The following ABLIM2 variants were observed in gnomAD, a reference collection of about 807,000 sequenced individuals.
The protein encoded by ABLIM2 is actin-binding LIM protein 2.
Under a neutral mutation model 97.7 loss-of-function variants are expected in ABLIM2, and 53 were observed. That is an observed-to-expected ratio of 0.54 (90% CI 0.44 to 0.68). The LOEUF is 0.68. Among genes scored for constraint, ABLIM2 ranks in the 30% least tolerant of loss-of-function variants. ABLIM2 has a pLI of 0.00. For synonymous variants in ABLIM2, 361 were observed against 345.8 expected, an observed-to-expected ratio of 1.04 and a Z score of -0.49; for missense variants, 835 against 867.2, an observed-to-expected ratio of 0.96 and a Z score of 0.47.
intron 1 of ABLIM2, among the ~76,000 whole-genome samples, chr4:8,119,290 G>A (rs897078415): frequency 6.6e-6 from 1 of 151,270 alleles, no homozygotes; most frequent in Non-Finnish European, 1.5e-5. Flanking sequence ...TGGAGAGGGC[G>A]TGTAGTCTTG....
chr4:8,079,512 C>A (rs1207913325), intron 5 of ABLIM2, among the ~76,000 whole-genome samples: 1 of 152,208 alleles, frequency 6.6e-6, no homozygotes, highest in Non-Finnish European at 1.5e-5. Context: ...ACAGGTCCCT[C>A]ACCCTGGGTG....
intron 5 of ABLIM2, among the ~76,000 whole-genome samples, chr4:8,079,962 C>T (rs1366755406): frequency 6.6e-6 from 1 of 152,210 alleles, no homozygotes; most frequent in East Asian, 1.9e-4. Context: ...AGCTCGTCCA[C>T]ATATTCGCCC....
chr4:7,979,701 T>G (rs1324983520), intron 20 of ABLIM2, among the ~76,000 whole-genome samples: 1 of 152,172 alleles, frequency 6.6e-6, no homozygotes, highest in African/African-American at 2.4e-5. Flanking sequence ...TTCTTTCCTC[T>G]CTCCCGGTTA....
Position 8,036,549 on chromosome 4 carries a change from C to G in ABLIM2, c.901-254G>C, listed in dbSNP as rs147677052. 6.6e-3 allele frequency among the ~76,000 whole-genome samples: 1,002 copies of G among 152,288 alleles called. 11 individuals carry two copies. The highest frequency in any genetic ancestry group is 0.022 in the African/African-American group (900 of 41,544). ...GCAGAGTCTGAGCTCACCCCCAGCT[C>G]CTGGTATAGGTGAAATGGGGACGGG... On this transcript the variant is annotated intron_variant, in intron 9 of 20. Transcript: ENST00000447017.
At position 8,015,978 on chromosome 4, in the gene ABLIM2, A is replaced by T. The variant is rs1473657356; in HGVS notation, c.1423+3640T>A. Among the ~76,000 whole-genome samples the T allele has an allele frequency of 6.6e-6, 1 of 151,646 alleles. No individual in the cohort carries two copies. Among genetic ancestry groups the T allele is most frequent in the African/African-American group, 2.4e-5 (1 of 41,216 alleles). ...TCCTCATTTTATAAGTTCAAATCAGATATGAGACGATCGTAAGCTACTATT... is the reference window on the plus strand; with the variant it reads ...TCCTCATTTTATAAGTTCAAATCAGTTATGAGACGATCGTAAGCTACTATT... On this transcript the variant is annotated intron_variant, in intron 14 of 20. Coordinates refer to ENST00000447017, the MANE Select transcript of ABLIM2 (RefSeq NM_001130083.2). This position sits in a 1 kb window ranked among gnomAD's most constrained non-coding sequence, Gnocchi z 4.6.
At chr4:8,047,339 C>A (rs1002031560) in intron 8 of ABLIM2, among the ~76,000 whole-genome samples, 1 of 151,414 alleles carries the variant, frequency 6.6e-6, no homozygotes, top group South Asian at 2.1e-4. Flanking sequence ...AGCTTGGCAA[C>A]TGCCGCTGCC....
chr4:8,111,950 A>T lies in ABLIM2; in HGVS notation c.11-5313T>A, dbSNP rs1054629319. On this transcript the variant is annotated intron_variant, in intron 1 of 20. Coordinates refer to ENST00000447017, the MANE Select transcript of ABLIM2 (RefSeq NM_001130083.2). ...TCAAAAAAAAAAAAAAAAAAAATTT[A>T]AAAAGGAACTAACCACAATTGCGGC... Among the ~76,000 whole-genome samples the T allele has an allele frequency of 4.2e-4, 61 of 146,542 alleles. 1 individual carries two copies. The highest frequency in any genetic ancestry group is 2.3e-4 in the Non-Finnish European group (15 of 65,960).
chr4:8,132,365 C>G lies in ABLIM2; in HGVS notation c.11-25728G>C, dbSNP rs1290546494. ...TGAGATCAGGCCCTGACACATGGGA[C>G]AGGTGAGAGAGATTTTCACTGAGAC... On this transcript the variant is annotated intron_variant, in intron 1 of 20. Transcript: ENST00000447017. This position sits in a 1 kb window ranked among gnomAD's most constrained non-coding sequence, Gnocchi z 8.0. Among the ~76,000 whole-genome samples, 3 of 152,172 alleles carry G rather than the reference C, an allele frequency of 2.0e-5. No individual in the cohort carries two copies. The highest frequency in any genetic ancestry group is 4.4e-5 in the Non-Finnish European group (3 of 68,024).
chr4:7,976,196 G>T (rs936597283), intron 20 of ABLIM2, among the ~76,000 whole-genome samples: 2 of 152,184 alleles, frequency 1.3e-5, no homozygotes, highest in African/African-American at 4.8e-5. Flanking sequence ...CAGAGCATCT[G>T]GCTGGGTGTC....
Position 8,091,341 on chromosome 4 carries a change from A to T in ABLIM2, c.339-3057T>A, listed in dbSNP as rs75765179. Among the ~76,000 whole-genome samples, 17 of 19,518 alleles carry T rather than the reference A, an allele frequency of 8.7e-4. 3 individuals carry two copies. The highest frequency in any genetic ancestry group is 3.6e-3 in the East Asian group (3 of 840). The allele number at this position is 19,518 out of a possible 152,430, so 12.8% of individuals were successfully genotyped here. A position where few individuals can be genotyped will look rare whatever the true frequency, so the allele number is the denominator to read the frequency against. On this transcript the variant is annotated intron_variant, in intron 3 of 20. Coordinates refer to ENST00000447017, the MANE Select transcript of ABLIM2 (RefSeq NM_001130083.2). Reference sequence around the variant, plus strand: ...TAATTATATATATATTATATATATAATATATATATAATTATATATATATTA... The same window carrying T: ...TAATTATATATATATTATATATATATTATATATATAATTATATATATATTA...
Position 8,099,894 on chromosome 4 carries a change from T to C in ABLIM2, c.155-2612A>G, listed in dbSNP as rs546113936. Among the ~76,000 whole-genome samples the C allele has an allele frequency of 2.6e-3, 395 of 152,250 alleles. 1 individual carries two copies. Among genetic ancestry groups the C allele is most frequent in the Non-Finnish European group, 4.8e-3 (324 of 68,020 alleles). ...ACAAAAACCCCAGGCCTCTGTGTGC[T>C]AAAAATAAAATGTTCAAGTTCCCTG... On this transcript the variant is annotated intron_variant, in intron 2 of 20. Coordinates refer to ENST00000447017, the MANE Select transcript of ABLIM2 (RefSeq NM_001130083.2).
Position 8,069,765 on chromosome 4 carries a change from G to A in ABLIM2, c.675+7863C>T, listed in dbSNP as rs747347142. Reference sequence around the variant, plus strand: ...GTGTTGTCTGTGTACGTTTCGGTGTGTCCATGCATGTTGTCTGTGTCTCTC... The same window carrying A: ...GTGTTGTCTGTGTACGTTTCGGTGTATCCATGCATGTTGTCTGTGTCTCTC... On this transcript the variant is annotated intron_variant, in intron 6 of 20. Transcript: ENST00000447017. The surrounding 1 kb of genome is among the most constrained non-coding windows in gnomAD (Gnocchi z 4.2). Among the ~76,000 whole-genome samples the A allele has an allele frequency of 2.0e-5, 3 of 151,788 alleles. No individual in the cohort carries two copies. Among genetic ancestry groups the A allele is most frequent in the Non-Finnish European group, 4.4e-5 (3 of 67,938 alleles).
rs1464927599 is a variant in ABLIM2 at position 8,112,741 on chromosome 4, A to G, written c.11-6104T>C. On this transcript the variant is annotated intron_variant, in intron 1 of 20. Coordinates refer to ENST00000447017, the MANE Select transcript of ABLIM2 (RefSeq NM_001130083.2). The surrounding 1 kb of genome is among the most constrained non-coding windows in gnomAD (Gnocchi z 4.2). Reference sequence around the variant, plus strand: ...TTTGTTCCATACCATGCCCCACAGGAATGGTCAGTCATCCTCATCTCACGG... The same window carrying G: ...TTTGTTCCATACCATGCCCCACAGGGATGGTCAGTCATCCTCATCTCACGG... 6.6e-6 allele frequency among the ~76,000 whole-genome samples: 1 copy of G among 152,060 alleles called. No individual in the cohort carries two copies. Among genetic ancestry groups the G allele is most frequent in the African/African-American group, 2.4e-5 (1 of 41,406 alleles).
chr4:8,048,315 A>T (rs59070213), intron 8 of ABLIM2, among the ~76,000 whole-genome samples: 12,370 of 152,262 alleles, frequency 0.081, 1,372 homozygotes, highest in African/African-American at 0.25. Context: ...AGGCCCCAGT[A>T]CAAGCGCCTT....
chr4:8,009,889 G>A (rs1265150483), intron 14 of ABLIM2, among the ~76,000 whole-genome samples: 5 of 152,088 alleles, frequency 3.3e-5, no homozygotes, highest in Admixed American at 1.3e-4. Context: ...GGTATACCTC[G>A]CCCAAGGTCA....
chr4:8,053,838 C>G (rs939821062), intron 8 of ABLIM2, among the ~76,000 whole-genome samples: 1 of 152,132 alleles, frequency 6.6e-6, no homozygotes, highest in African/African-American at 2.4e-5. Flanking sequence ...GAGTTCCCGC[C>G]TTCTCTCCCC....
chr4:8,066,360 G>GGGAAGGAAGGAAGGAAGGAAGGAA (rs766354971), intron 6 of ABLIM2, among the ~76,000 whole-genome samples: 4 of 51,194 alleles, frequency 7.8e-5, no homozygotes, highest in Non-Finnish European at 1.1e-4. Context: ...GAGGGAGGGA[G>GGGAAGGAAGGAAGGAAGGAAGGAA]GGAAGGAAGG....
At chr4:8,143,257 A>G (rs1385330844) in intron 1 of ABLIM2, among the ~76,000 whole-genome samples, 2 of 150,964 alleles carry the variant, frequency 1.3e-5, no homozygotes, top group African/African-American at 4.9e-5. Context: ...TTGTACTGTC[A>G]GCGGTCTCCA....
At position 8,033,037 on chromosome 4, in the gene ABLIM2, C is replaced by T. The variant is rs921949199; in HGVS notation, c.1047+3112G>A. ...GGCACAGGCAGCAACATCCTGAGGGCCCATCACCTCGGTTTTCTCTGGACA... is the reference window on the plus strand; with the variant it reads ...GGCACAGGCAGCAACATCCTGAGGGTCCATCACCTCGGTTTTCTCTGGACA... On this transcript the variant is annotated intron_variant, in intron 10 of 20. Transcript: ENST00000447017. This position sits in a 1 kb window ranked among gnomAD's most constrained non-coding sequence, Gnocchi z 4.5. 8.5e-5 allele frequency among the ~76,000 whole-genome samples: 13 copies of T among 152,330 alleles called. No individual in the cohort carries two copies. In the South Asian group the frequency reaches 1.0e-3, roughly 12 times the overall value.
Sources: gnomAD v4.1 joint callset for allele counts (sites outside exome capture counted in the v4.1 genomes callset) on GRCh38, gnomAD v4.1.1 for gene constraint, Gnocchi (gnomAD v3.1) non-coding constraint, MANE v1.5 for transcripts, NCBI Gene and HGNC (gene_info 2026-07-23, HGNC 2026-07-21) for gene names.